Variants in SLC1A1 observed in about 807,000 individuals in gnomAD.
The protein encoded by SLC1A1 is solute carrier family 1 member 1.
A neutral mutation model predicts 53.3 loss-of-function variants in SLC1A1; 43 were observed. That is an observed-to-expected ratio of 0.81 (90% CI 0.63 to 1.04). The LOEUF is 1.04. SLC1A1 is among the 50% of genes least tolerant of loss of function. The probability of loss-of-function intolerance (pLI) is 0.00; values close to 1 mark genes in which losing one functional copy is unlikely to be tolerated. For synonymous variants in SLC1A1, 307 were observed against 243.2 expected (o/e 1.26, Z -2.44); for missense variants, 748 against 664.9 (o/e 1.12, Z -1.37).
At position 4,573,459 on chromosome 9, in the gene SLC1A1, A is replaced by C. The variant is rs144669399; in HGVS notation, c.768-448A>C. 5.8e-3 allele frequency among the ~76,000 whole-genome samples: 887 copies of C among 152,212 alleles called. 7 individuals are homozygous for C. Among genetic ancestry groups the C allele is most frequent in the African/African-American group, 0.02 (813 of 41,528 alleles). On this transcript the variant is annotated intron_variant, in intron 7 of 11. Coordinates refer to ENST00000262352, the MANE Select transcript of SLC1A1 (RefSeq NM_004170.6). The stretch of plus-strand genomic sequence containing the variant: ...GATACAACGATAGCTCCACAAATAG[A>C]GCTATTATGATCACTTCCAGTACTA...
intron 10 of SLC1A1, among the ~76,000 whole-genome samples, chr9:4,577,886 T>G (rs1019237545): frequency 6.6e-6 from 1 of 152,150 alleles, no homozygotes; most frequent in African/African-American, 2.4e-5. Flanking sequence ...GGCAGGGTAT[T>G]AGAAGGCACT....
intron 2 of SLC1A1, among the ~76,000 whole-genome samples, chr9:4,550,262 C>A (rs1441639981): frequency 6.6e-6 from 1 of 152,088 alleles, no homozygotes; most frequent in African/African-American, 2.4e-5. Flanking sequence ...AACACTCTAC[C>A]CTTGGAAGAT....
chr9:4,541,784 C>A (rs754313191), intron 1 of SLC1A1, among the ~76,000 whole-genome samples: 1 of 152,166 alleles, frequency 6.6e-6, no homozygotes, highest in African/African-American at 2.4e-5. Context: ...CTGGGAGTGG[C>A]CTTACCAGGT....
At chr9:4,496,018 T>C (rs1820402969) in intron 1 of SLC1A1, among the ~76,000 whole-genome samples, 1 of 152,016 alleles carries the variant, frequency 6.6e-6, no homozygotes, top group Non-Finnish European at 1.5e-5. Flanking sequence ...GAGACAAATG[T>C]GGAGTGGAGT....
At chr9:4,503,188 T>A (rs2130802727) in intron 1 of SLC1A1, among the ~76,000 whole-genome samples, 1 of 151,938 alleles carries the variant, frequency 6.6e-6, no homozygotes, top group Non-Finnish European at 1.5e-5. Flanking sequence ...CAGACATCAC[T>A]GATTACAGTA....
At chr9:4,562,997 T>A (rs62542123) in intron 3 of SLC1A1, among the ~76,000 whole-genome samples, 2 of 148,048 alleles carry the variant, frequency 1.4e-5, no homozygotes, top group African/African-American at 5.0e-5. Flanking sequence ...AGGGATAGCA[T>A]TGGGAGATAT....
chr9:4,566,193 A>G, intron 5 of SLC1A1, 104 bp downstream of exon 5: 1 of 1,044,918 alleles, frequency 9.6e-7, no homozygotes, highest in East Asian at 2.4e-5. Context: ...GCCCCGTGAA[A>G]ATGGCAGCAG....
At chr9:4,512,424 C>G (rs920550603) in intron 1 of SLC1A1, among the ~76,000 whole-genome samples, 1 of 152,058 alleles carries the variant, frequency 6.6e-6, no homozygotes, top group African/African-American at 2.4e-5. Flanking sequence ...GGGAGGATTG[C>G]TTGAGCCCGG....
chr9:4,547,855 A>G (rs1287195137), intron 2 of SLC1A1, among the ~76,000 whole-genome samples: 1 of 150,778 alleles, frequency 6.6e-6, no homozygotes, highest in African/African-American at 2.5e-5. Context: ...AACTATTAAA[A>G]ACTTGTCTTA....
chr9:4,583,273 A>C lies in SLC1A1; in HGVS notation c.1328+101A>C. On this transcript the variant is annotated intron_variant, in intron 11 of 11. Coordinates refer to ENST00000262352, the MANE Select transcript of SLC1A1 (RefSeq NM_004170.6). This position sits in a 1 kb window ranked among gnomAD's most constrained non-coding sequence, Gnocchi z 4.6. ...CATCATTCTCTCCTCAGATTGCCTA[A>C]TGAGCCACCTGTTGCTGCTTTAATT... 1.4e-6 allele frequency: 2 copies of C among 1,432,636 alleles called. No individual in the cohort carries two copies. The highest frequency in any genetic ancestry group is 2.0e-6 in the Non-Finnish European group (2 of 1,018,140). The allele number at this position is 1,432,636 out of a possible 1,614,324, so 88.7% of individuals were successfully genotyped here. A position where few individuals can be genotyped will look rare whatever the true frequency, so the allele number is the denominator to read the frequency against.
chr9:4,516,381 G>A (rs1014544401), intron 1 of SLC1A1, among the ~76,000 whole-genome samples: 1 of 152,222 alleles, frequency 6.6e-6, no homozygotes, highest in Non-Finnish European at 1.5e-5. Context: ...AGCCAGAATG[G>A]CTTCTCTTGA....
intron 1 of SLC1A1, among the ~76,000 whole-genome samples, chr9:4,508,036 T>C (rs1269206911): frequency 1.3e-5 from 2 of 151,998 alleles, no homozygotes; most frequent in African/African-American, 4.8e-5. Flanking sequence ...CTCCAAACCG[T>C]ACAAGTCTGA....
intron 1 of SLC1A1, among the ~76,000 whole-genome samples, chr9:4,527,066 C>G (rs957545313): frequency 6.6e-6 from 1 of 152,154 alleles, no homozygotes; most frequent in African/African-American, 2.4e-5. Flanking sequence ...CCTGCTGACT[C>G]TGAAGAGGGA....
chr9:4,517,720 G>T (rs897660017), intron 1 of SLC1A1, among the ~76,000 whole-genome samples: 2 of 152,126 alleles, frequency 1.3e-5, no homozygotes, highest in African/African-American at 4.8e-5. Flanking sequence ...CTCACACAAA[G>T]ACCTAGATTT....
At chr9:4,532,131 C>T (rs1390384751) in intron 1 of SLC1A1, among the ~76,000 whole-genome samples, 7 of 152,056 alleles carry the variant, frequency 4.6e-5, no homozygotes, top group Admixed American at 4.6e-4. Context: ...AAACTGGAAA[C>T]TCTAAAAATC....
At position 4,572,237 on chromosome 9, in the gene SLC1A1, T is replaced by G. The variant is rs1337316653; in HGVS notation, c.616T>G (p.Tyr206Asp). ...KTKEYKIVGMYSDGINVLGLI... is the reference protein window; with the variant it reads ...KTKEYKIVGMDSDGINVLGLI... ...AAAGGAATACAAAATTGTTGGCATG[T>G]ATTCAGATGGCATAAACGTCCTGGG... Residue 206 changes from tyrosine to aspartate, a missense_variant, in exon 7 of 12, where the codon TAT becomes GAT. Coordinates refer to ENST00000262352, the MANE Select transcript of SLC1A1 (RefSeq NM_004170.6). 1.9e-6 allele frequency: 3 copies of G among 1,613,890 alleles called. No homozygotes were observed. The highest frequency in any genetic ancestry group is 2.2e-5 in the South Asian group (2 of 91,078).
chr9:4,505,669 T>C (rs1820780509), intron 1 of SLC1A1, among the ~76,000 whole-genome samples: 1 of 152,172 alleles, frequency 6.6e-6, no homozygotes, highest in Non-Finnish European at 1.5e-5. Context: ...TTTTTCTTTT[T>C]GTTTTGGGAA....
At chr9:4,522,342 C>G (rs895095911) in intron 1 of SLC1A1, among the ~76,000 whole-genome samples, 2 of 152,084 alleles carry the variant, frequency 1.3e-5, no homozygotes, top group Admixed American at 1.3e-4. Context: ...TGAGCCACCA[C>G]GCCTGGCCTG....
chr9:4,574,852 C>A (rs530669143), intron 8 of SLC1A1, among the ~76,000 whole-genome samples: 1 of 152,168 alleles, frequency 6.6e-6, no homozygotes, highest in African/African-American at 2.4e-5. Flanking sequence ...TCCAACACAG[C>A]GCATTTGGTT....
Sources: gnomAD v4.1 joint callset for allele counts (sites outside exome capture counted in the v4.1 genomes callset) on GRCh38, gnomAD v4.1.1 for gene constraint, Gnocchi (gnomAD v3.1) non-coding constraint, MANE v1.5 for transcripts, NCBI Gene and HGNC (gene_info 2026-07-23, HGNC 2026-07-21) for gene names.